Variants in ARMCX4 observed in about 807,000 individuals in gnomAD.
ARMCX4 encodes the protein armadillo repeat-containing X-linked protein 4.
ARMCX4 carries 3 observed loss-of-function variants against 34.7 expected under a neutral mutation model. That is an observed-to-expected ratio of 0.09 (90% CI 0.04 to 0.22). The LOEUF (loss-of-function observed/expected upper bound fraction) is 0.22. Ranked by LOEUF, ARMCX4 falls within the 10% of genes least tolerant of loss-of-function variation. ARMCX4 has a pLI of 1.00. For missense variants in ARMCX4, 1,448 were observed against 1,720.8 expected (o/e 0.84, Z 2.81); for synonymous variants, 513 against 632.8 (o/e 0.81, Z 2.84).
intron 4 of ARMCX4, among the ~76,000 whole-genome samples, chrX:101,463,325 A>G (rs928911334): frequency 1.8e-5 from 2 of 111,808 alleles, no homozygotes; most frequent in Non-Finnish European, 3.8e-5. Context: ...CCCAGCTGGC[A>G]TGCAAGGCTC....
At chrX:101,421,146 T>A (rs1242895857) in intron 2 of ARMCX4, among the ~76,000 whole-genome samples, 1 of 96,804 alleles carries the variant, frequency 1.0e-5, no homozygotes, top group Non-Finnish European at 2.0e-5. Flanking sequence ...GAGGTTGTGG[T>A]GAGCTGAGAT....
chrX:101,483,273 A>G (rs1933549010), upstream of ARMCX4, among the ~76,000 whole-genome samples: 1 of 111,175 alleles, frequency 9.0e-6, no homozygotes, highest in African/African-American at 3.3e-5. Flanking sequence ...CTGTGTAGGC[A>G]TATAGGTTGG....
chrX:101,472,399 G>C (rs1424943801), intron 4 of ARMCX4, among the ~76,000 whole-genome samples: 82 of 66,678 alleles, frequency 1.2e-3, no homozygotes, highest in African/African-American at 1.5e-3. Flanking sequence ...TATTATCCAG[G>C]AGAACTTCCC....
intron 2 of ARMCX4, among the ~76,000 whole-genome samples, chrX:101,428,872 CTTTTTTT>C: frequency 1.5e-5 from 1 of 66,256 alleles, no homozygotes; most frequent in South Asian, 9.5e-4. Flanking sequence ...ATTTCTTTTC[CTTTTTTT>C]TTTTTTTTTT....
At chrX:101,518,262 T>C (rs1319122377) in intron 11 of ARMCX4, among the ~76,000 whole-genome samples, 2 of 111,041 alleles carry the variant, frequency 1.8e-5, no homozygotes, top group Non-Finnish European at 3.8e-5. Context: ...GAGTAAAAAA[T>C]AGAGAAATAA....
At chrX:101,427,937 G>C (rs1353160586) in intron 2 of ARMCX4, among the ~76,000 whole-genome samples, 1 of 111,815 alleles carries the variant, frequency 8.9e-6, no homozygotes, top group Non-Finnish European at 1.9e-5. Flanking sequence ...CTCCCAACAT[G>C]CCACATTAGG....
intron 2 of ARMCX4, among the ~76,000 whole-genome samples, chrX:101,437,056 A>G (rs1161042334): frequency 1.8e-5 from 2 of 111,908 alleles, no homozygotes. Flanking sequence ...CCAGTATTTT[A>G]TTGAGAATTT....
intron 11 of ARMCX4, among the ~76,000 whole-genome samples, chrX:101,525,771 A>T: frequency 9.0e-6 from 1 of 111,667 alleles, no homozygotes; most frequent in Middle Eastern, 4.6e-3. Flanking sequence ...CAAATGAATG[A>T]AATGAAGTGA....
At chrX:101,502,423 A>G (rs1227361744) in intron 7 of ARMCX4, among the ~76,000 whole-genome samples, 1 of 111,852 alleles carries the variant, frequency 8.9e-6, no homozygotes, top group Non-Finnish European at 1.9e-5. Flanking sequence ...ATTTTTTTGT[A>G]GAGCTTAGGC....
chrX:101,523,053 C>T (rs1414911665), intron 11 of ARMCX4, among the ~76,000 whole-genome samples: 7 of 111,555 alleles, frequency 6.3e-5, no homozygotes, highest in East Asian at 5.6e-4. Context: ...TATGAAGCTA[C>T]GTTCACTTAG....
At chrX:101,523,179 A>T (rs1934891177) in intron 11 of ARMCX4, among the ~76,000 whole-genome samples, 1 of 111,993 alleles carries the variant, frequency 8.9e-6, no homozygotes, top group African/African-American at 3.2e-5. Context: ...CTTCTGAGCA[A>T]ATACTGACTC....
intron 2 of ARMCX4, among the ~76,000 whole-genome samples, chrX:101,434,707 T>A (rs1162107966): frequency 2.7e-5 from 3 of 109,761 alleles, no homozygotes; most frequent in Non-Finnish European, 5.7e-5. Flanking sequence ...TACATATGTA[T>A]ACATGTGCCA....
intron 11 of ARMCX4, among the ~76,000 whole-genome samples, chrX:101,515,343 T>TTTTCCTTCTTTC (rs1556017373): frequency 2.4e-4 from 4 of 16,994 alleles, no homozygotes; most frequent in African/African-American, 1.0e-3. Flanking sequence ...TTTCCTTTCC[T>TTTTCCTTCTTTC]TTTCTTTCTT....
intron 3 of ARMCX4, chrX:101,445,936 G>A (rs782265382): frequency 2.7e-5 from 3 of 111,647 alleles, no homozygotes; most frequent in South Asian, 7.4e-4. Flanking sequence ...ACAAACACAT[G>A]TTTATTTCCA....
downstream of ARMCX4, among the ~76,000 whole-genome samples, chrX:101,450,619 G>A (rs919601314): frequency 2.7e-5 from 3 of 111,755 alleles, no homozygotes; most frequent in Non-Finnish European, 5.6e-5. Flanking sequence ...TTTTCCCTCC[G>A]CTTTTCTCAA....
At chrX:101,476,938 C>A (rs1340450058) in intron 4 of ARMCX4, among the ~76,000 whole-genome samples, 3 of 108,973 alleles carry the variant, frequency 2.8e-5, no homozygotes, top group Non-Finnish European at 5.7e-5. Flanking sequence ...CAATTCTGAT[C>A]AAAGAAAAAA....
chrX:101,444,241 C>T (rs1376214021), intron 3 of ARMCX4: 1 of 189,402 alleles, frequency 5.3e-6, no homozygotes, highest in Non-Finnish European at 9.8e-6. Flanking sequence ...TTTGTTATAA[C>T]AGCACATACA....
chrX:101,436,075 C>T (rs1226997354), intron 2 of ARMCX4, among the ~76,000 whole-genome samples: 6 of 110,689 alleles, frequency 5.4e-5, no homozygotes, highest in Non-Finnish European at 1.1e-4. Context: ...AGTCAGGTAG[C>T]GTGATGCCTC....
chrX:101,498,145 G>C (rs1338215647), downstream of ARMCX4: 1 of 328,451 alleles, frequency 3.0e-6, no homozygotes. Flanking sequence ...CCTTCCACAG[G>C]TGTTGATCCC....
Sources: gnomAD v4.1 joint callset for allele counts (sites outside exome capture counted in the v4.1 genomes callset) on GRCh38, gnomAD v4.1.1 for gene constraint, MANE v1.5 for transcripts, NCBI Gene and HGNC (gene_info 2026-07-23, HGNC 2026-07-21) for gene names.